JAKMIP3: variants seen among roughly 807,000 people sequenced by gnomAD.
JAKMIP3 encodes Janus kinase and microtubule interacting protein 3, also known as janus kinase and microtubule-interacting protein 3.
A neutral mutation model predicts 118.5 loss-of-function variants in JAKMIP3; 58 were observed. That is an observed-to-expected ratio of 0.49 (90% CI 0.40 to 0.61). The LOEUF (loss-of-function observed/expected upper bound fraction) is 0.61, where lower values mean the gene tolerates loss of function less well. Among genes scored for constraint, JAKMIP3 ranks in the 20% least tolerant of loss-of-function variants. The pLI is 0.00. For missense variants in JAKMIP3, 950 were observed against 1,109.0 expected, an observed-to-expected ratio of 0.86 and a Z score of 2.04; for synonymous variants, 486 against 451.2, an observed-to-expected ratio of 1.08 and a Z score of -0.98.
At chr10:132,136,360 TGGCCTCCAACTC>T in intron 6 of JAKMIP3, among the ~76,000 whole-genome samples, 1 of 152,240 alleles carries the variant, frequency 6.6e-6, no homozygotes, top group Non-Finnish European at 1.5e-5. Flanking sequence ...CTGGAACAGG[TGGCCTCCAACTC>T]GGAAAATCCC....
chr10:132,061,216 G>GGC (rs368512819), upstream of JAKMIP3, among the ~76,000 whole-genome samples: 18 of 36,010 alleles, frequency 5.0e-4, no homozygotes, highest in East Asian at 7.4e-3. Flanking sequence ...CTGCCGTGAC[G>GGC]GCGCACACAT....
rs116907971 is a variant in JAKMIP3, at chr10:132,118,825, C to T, written c.633+1251C>T. Among the ~76,000 whole-genome samples, 22 of 152,308 alleles carry T rather than the reference C, an allele frequency of 1.4e-4. No individual in the cohort carries two copies. The East Asian group carries it at 2.5e-3, about 17-fold the overall frequency. On this transcript the variant is annotated intron_variant, in intron 3 of 23. Coordinates refer to ENST00000684848, the MANE Select transcript of JAKMIP3 (RefSeq NM_001323087.2). The surrounding 1 kb of genome is among the most constrained non-coding windows in gnomAD (Gnocchi z 4.8). Reference sequence around the variant, plus strand: ...GGCCCAAACCAGCACTCATAAGAACCGGGTGCTTTCTTCGCGTGACACGAT... The same window carrying T: ...GGCCCAAACCAGCACTCATAAGAACTGGGTGCTTTCTTCGCGTGACACGAT...
At chr10:132,158,217 G>A (rs1403743098) in intron 19 of JAKMIP3, among the ~76,000 whole-genome samples, 1 of 152,126 alleles carries the variant, frequency 6.6e-6, no homozygotes, top group East Asian at 1.9e-4. Context: ...TCCCTCCACT[G>A]GGTCGGGAGA....
intron 23 of JAKMIP3, among the ~76,000 whole-genome samples, chr10:132,180,658 C>CGTGT (rs1197794956): frequency 2.4e-4 from 2 of 8,422 alleles, no homozygotes; most frequent in African/African-American, 1.6e-3. Context: ...TGTGCGTGTG[C>CGTGT]GTGTGTGCGT....
At position 132,098,701 on chromosome 10, in the gene JAKMIP3, C is replaced by T. The variant is rs1483437714; in HGVS notation, c.-137-5971C>T. On this transcript the variant is annotated intron_variant, in intron 1 of 23. Coordinates refer to ENST00000684848, the MANE Select transcript of JAKMIP3 (RefSeq NM_001323087.2). ...CTGCCAGAGCCCCCAGCACCTCCAC[C>T]GGGCTTCTCCCATCCTGGGCCTGGT... is the stretch of plus-strand genomic sequence containing the variant. 1.1e-4 allele frequency among the ~76,000 whole-genome samples: 16 copies of T among 152,206 alleles called. 1 individual carries two copies. The highest frequency in any genetic ancestry group is 7.2e-4 in the Admixed American group (11 of 15,286).
intron 16 of JAKMIP3, 51 bp from the exon 17 acceptor site, chr10:132,152,906 AC>A (rs1589965107): frequency 1.4e-6 from 2 of 1,432,336 alleles, no homozygotes; most frequent in Non-Finnish European, 9.7e-7. Context: ...ACTCACCCTC[AC>A]CCCCAAAGGC....
intron 2 of JAKMIP3, among the ~76,000 whole-genome samples, chr10:132,116,354 C>T (rs60251740): frequency 0.044 from 6,603 of 151,294 alleles, 278 homozygotes; most frequent in African/African-American, 0.13. Context: ...ACGCTCCCCC[C>T]GAATACACAT....
At chr10:132,055,303 G>A (rs933983574) in intron 1 of JAKMIP3, among the ~76,000 whole-genome samples, 1 of 152,094 alleles carries the variant, frequency 6.6e-6, no homozygotes, top group Non-Finnish European at 1.5e-5. Flanking sequence ...CAAATAAATT[G>A]TCCAAGTATC....
rs1565005294 is a variant in JAKMIP3 at position 132,173,026 on chromosome 10, TC to T, written c.*1103+3995del. 3.0e-4 allele frequency among the ~76,000 whole-genome samples: 8 copies of T among 26,308 alleles called. 2 individuals are homozygous for T. Among genetic ancestry groups the T allele is most frequent in the Admixed American group, 4.7e-4 (1 of 2,134 alleles). The allele number at this position is 26,308 out of a possible 152,430, so 17.3% of individuals were successfully genotyped here. On this transcript the variant is annotated intron_variant, in intron 23 of 23. Transcript: ENST00000684848. ...CTCTCTCTCTCTCTCCCTCTCTCTC[TC>T]CTTCCCTCTCTCTCTCCCTCTCTCT...
intron 8 of JAKMIP3, 32 bp downstream of exon 8, chr10:132,137,321 C>G: frequency 6.2e-7 from 1 of 1,613,182 alleles, no homozygotes; most frequent in South Asian, 1.1e-5. Flanking sequence ...TTCCCCACGC[C>G]TCCGCTCCCC....
At chr10:132,143,227 C>T (rs1008544950) in intron 11 of JAKMIP3, among the ~76,000 whole-genome samples, 1 of 151,872 alleles carries the variant, frequency 6.6e-6, no homozygotes, top group African/African-American at 2.4e-5. Context: ...CTTTAAATAT[C>T]GCCTCTTTCA....
rs957337599 is a variant in JAKMIP3, at chr10:132,179,736, C to T, written c.*1104-2621C>T. 6.6e-6 allele frequency among the ~76,000 whole-genome samples: 1 copy of T among 152,026 alleles called. No individual in the cohort carries two copies. Among genetic ancestry groups the T allele is most frequent in the African/African-American group, 2.4e-5 (1 of 41,380 alleles). ...ACACCACGGCAGGGTCGCACCACAGCAGGGTCACGCCACGGCAGGGTCACA... is the reference window on the plus strand; with the variant it reads ...ACACCACGGCAGGGTCGCACCACAGTAGGGTCACGCCACGGCAGGGTCACA... On this transcript the variant is annotated intron_variant, in intron 23 of 23. Transcript: ENST00000684848. The surrounding 1 kb of genome is among the most constrained non-coding windows in gnomAD (Gnocchi z 4.3).
chr10:132,161,029 G>A (rs1246088021), intron 19 of JAKMIP3, among the ~76,000 whole-genome samples: 1 of 85,110 alleles, frequency 1.2e-5, no homozygotes, highest in African/African-American at 4.8e-5. Context: ...TGCTGGGGGG[G>A]CCTCTTCCTG....
At chr10:132,111,632 CAAGG>C (rs928311232) in intron 2 of JAKMIP3, among the ~76,000 whole-genome samples, 4 of 152,100 alleles carry the variant, frequency 2.6e-5, no homozygotes, top group African/African-American at 9.6e-5. Flanking sequence ...GCTGGAACAA[CAAGG>C]AAAGCCGGCC....
At chr10:132,060,390 A>C (rs2038358371), upstream of JAKMIP3, among the ~76,000 whole-genome samples, 1 of 152,216 alleles carries the variant, frequency 6.6e-6, no homozygotes, top group South Asian at 2.1e-4. Flanking sequence ...CAATACGGCT[A>C]TTCTAGGAGA....
chr10:132,152,888 C>T (rs1195031802), intron 16 of JAKMIP3, 70 bp from the exon 17 acceptor site: 2 of 1,252,142 alleles, frequency 1.6e-6, no homozygotes, highest in African/African-American at 3.0e-5. Context: ...CTTCCCCATG[C>T]ATCCATCACT....
At position 132,138,136 on chromosome 10, in the gene JAKMIP3, A is replaced by G; in HGVS notation, c.1302A>G (p.Leu434=). The change falls in exon 9 of 24, where the codon TTA becomes TTG. Residue 434 remains leucine, a synonymous_variant. Transcript: ENST00000684848. ...VKSVLERDKL[L]RFRKQRKKMA... is the part of the protein sequence containing the mutation. Reference sequence around the variant, plus strand: ...TTCCGCAGGAGCGGGACAAGCTGTTAAGATTCCGGAAGCAAAGAAAGAAAA... The same window carrying G: ...TTCCGCAGGAGCGGGACAAGCTGTTGAGATTCCGGAAGCAAAGAAAGAAAA... 6.2e-7 allele frequency: 1 copy of G among 1,612,228 alleles called. No homozygotes were observed. The highest frequency in any genetic ancestry group is 8.5e-7 in the Non-Finnish European group (1 of 1,179,214).
rs1169218875 is a variant in JAKMIP3, at chr10:132,137,110, A to C, written c.1208A>C (p.Gln403Pro). The change falls in exon 7 of 24, where the codon CAG becomes CCG. Residue 403 changes from glutamine to proline, a missense_variant. Physicochemically the swap from Gln to Pro is moderately conservative, Grantham distance 76. Transcript: ENST00000684848. ...AGAGAAGTCGATTTCTTGAAGCTTC[A>C]GATTGTGGAGCAGCAAAACCTCATA... Reference protein sequence around the residue: ...DEREVDFLKLQIVEQQNLIDE... With the variant: ...DEREVDFLKLPIVEQQNLIDE... The C allele has an allele frequency of 6.2e-7, 1 of 1,613,946 alleles. No homozygotes were observed. Among genetic ancestry groups the C allele is most frequent in the Non-Finnish European group, 8.5e-7 (1 of 1,179,872 alleles).
At chr10:132,152,899 C>A in intron 16 of JAKMIP3, 59 bp from the exon 17 acceptor site, 1 of 1,376,160 alleles carries the variant, frequency 7.3e-7, no homozygotes, top group East Asian at 2.5e-5. Flanking sequence ...ATCCATCACT[C>A]ACCCTCACCC....
Sources: allele counts gnomAD v4.1 joint callset (sites outside exome capture counted in the v4.1 genomes callset), GRCh38; gene constraint gnomAD v4.1.1; non-coding constraint Gnocchi (gnomAD v3.1); transcripts MANE v1.5; gene names NCBI Gene and HGNC (gene_info 2026-07-23, HGNC 2026-07-21).